The following PREX2 variants were observed in gnomAD, a reference collection of about 807,000 sequenced individuals.
The protein encoded by PREX2 is phosphatidylinositol-3,4,5-trisphosphate dependent Rac exchange factor 2.
Under a neutral mutation model 203.2 loss-of-function variants are expected in PREX2, and 107 were observed. The observed-to-expected ratio is 0.53, with a 90% CI of 0.45 to 0.62. PREX2 has a LOEUF of 0.62. Ranked by LOEUF, PREX2 falls within the 20% of genes least tolerant of loss-of-function variation. The pLI, the probability that PREX2 is intolerant of heterozygous loss-of-function variation, is 0.00. For synonymous variants in PREX2, 672 were observed against 663.6 expected, an observed-to-expected ratio of 1.01 and a Z score of -0.19; for missense variants, 1,777 against 1,955.9, an observed-to-expected ratio of 0.91 and a Z score of 1.72.
At chr8:68,197,500 C>A (rs2129614818) in intron 37 of PREX2, among the ~76,000 whole-genome samples, 2 of 152,086 alleles carry the variant, frequency 1.3e-5, no homozygotes, top group South Asian at 4.1e-4. Context: ...GTCAATTAAA[C>A]CTCTGTCTTT....
chr8:68,047,526 T>C (rs1291784439), intron 8 of PREX2, among the ~76,000 whole-genome samples: 1 of 145,286 alleles, frequency 6.9e-6, no homozygotes, highest in Non-Finnish European at 1.5e-5. Context: ...TATATATATA[T>C]GTATTTTTTT....
chr8:68,051,067 T>A (rs900521867), intron 8 of PREX2, among the ~76,000 whole-genome samples: 1 of 152,014 alleles, frequency 6.6e-6, no homozygotes, highest in Non-Finnish European at 1.5e-5. Context: ...GTGGCCTGTT[T>A]GAGGGAGGGC....
chr8:68,005,119 C>T (rs948457438), intron 1 of PREX2, among the ~76,000 whole-genome samples: 2 of 152,052 alleles, frequency 1.3e-5, no homozygotes, highest in Non-Finnish European at 2.9e-5. Flanking sequence ...TTCCTTCAAC[C>T]CTGTCCTCCC....
intron 18 of PREX2, among the ~76,000 whole-genome samples, chr8:68,084,558 C>G (rs190507734): frequency 1.2e-3 from 177 of 152,140 alleles, no homozygotes; most frequent in African/African-American, 4.1e-3. Flanking sequence ...CAAGGCAGTG[C>G]GAATTCATTA....
intron 35 of PREX2, among the ~76,000 whole-genome samples, chr8:68,169,341 T>A (rs1368460686): frequency 6.6e-6 from 1 of 151,424 alleles, no homozygotes; most frequent in Non-Finnish European, 1.5e-5. Context: ...AGAGTGAGGG[T>A]CAGAATGCTG....
intron 33 of PREX2, among the ~76,000 whole-genome samples, chr8:68,143,355 C>T (rs1811263656): frequency 6.6e-6 from 1 of 152,034 alleles, no homozygotes; most frequent in Admixed American, 6.6e-5. Context: ...CTTGCTCTTG[C>T]CATATGATGT....
intron 1 of PREX2, among the ~76,000 whole-genome samples, chr8:68,003,494 G>T (rs1486964723): frequency 6.6e-6 from 1 of 152,108 alleles, no homozygotes; most frequent in Non-Finnish European, 1.5e-5. Context: ...GTAACACCTG[G>T]AACTTGTTAA....
rs200083700 is a variant in PREX2 at position 68,192,488 on chromosome 8, G to T, written c.4567G>T (p.Ala1523Ser). The T allele has an allele frequency of 3.2e-6, 5 of 1,571,702 alleles. No individual in the cohort carries two copies. In the Admixed American group the frequency reaches 7.3e-5, roughly 23 times the overall value. The change falls in exon 37 of 40, where the codon GCC becomes TCC. Residue 1523 changes from alanine to serine, a missense_variant. Transcript: ENST00000288368. ...CTCGGAGCTGTGCAACAGGCTGGGC[G>T]CCTGCCACATCATCATGTGCAGCAG... ...VSSELCNRLGACHIIMCSSGV... is the reference protein window; with the variant it reads ...VSSELCNRLGSCHIIMCSSGV...
At chr8:68,117,841 C>T (rs1043590185) in intron 26 of PREX2, among the ~76,000 whole-genome samples, 1 of 152,050 alleles carries the variant, frequency 6.6e-6, no homozygotes, top group Admixed American at 6.6e-5. Flanking sequence ...AGAGTGTAAC[C>T]AATAAGTTAT....
intron 4 of PREX2, among the ~76,000 whole-genome samples, chr8:68,022,850 T>C (rs1367089823): frequency 2.0e-5 from 3 of 152,212 alleles, no homozygotes; most frequent in Admixed American, 6.5e-5. Flanking sequence ...TAGATTGCCT[T>C]TTCTGGATAT....
At chr8:68,055,699 A>G in intron 9 of PREX2, 131 bp from the exon 10 acceptor site, 1 of 815,358 alleles carries the variant, frequency 1.2e-6, no homozygotes. Context: ...GGGCACTATT[A>G]TACAGAGATC....
At chr8:68,023,927 ACTT>A (rs1258996344) in intron 4 of PREX2, among the ~76,000 whole-genome samples, 5 of 151,992 alleles carry the variant, frequency 3.3e-5, no homozygotes. Flanking sequence ...AGATGATTTT[ACTT>A]CTTCTTTTCC....
intron 23 of PREX2, chr8:68,102,763 A>G (rs531485129): frequency 1.0e-5 from 5 of 498,866 alleles, no homozygotes; most frequent in South Asian, 1.5e-5. Context: ...GTTGATTGCT[A>G]TAGTTTCTGT....
intron 23 of PREX2, chr8:68,105,002 G>A (rs145785327): frequency 1.7e-6 from 1 of 574,554 alleles, no homozygotes; most frequent in Non-Finnish European, 2.8e-6. Flanking sequence ...CTCCAAAGCA[G>A]ATTAATGAGT....
At chr8:67,956,532 A>G (rs1805497216) in intron 1 of PREX2, among the ~76,000 whole-genome samples, 1 of 152,252 alleles carries the variant, frequency 6.6e-6, no homozygotes, top group African/African-American at 2.4e-5. Flanking sequence ...TTTATATTTC[A>G]GTACCTTTAA....
intron 34 of PREX2, among the ~76,000 whole-genome samples, chr8:68,152,623 C>G (rs1373115455): frequency 6.6e-6 from 1 of 152,102 alleles, no homozygotes; most frequent in Non-Finnish European, 1.5e-5. Context: ...CACAGGCAGA[C>G]ATAAAAGAGA....
At chr8:68,004,128 A>C (rs980805128) in intron 1 of PREX2, among the ~76,000 whole-genome samples, 8 of 152,240 alleles carry the variant, frequency 5.3e-5, no homozygotes, top group Middle Eastern at 3.4e-3. Flanking sequence ...GCAGTGAGAG[A>C]GCTGGAGCTG....
intron 13 of PREX2, among the ~76,000 whole-genome samples, chr8:68,071,395 C>T (rs183365304): frequency 2.6e-5 from 4 of 152,122 alleles, no homozygotes; most frequent in Admixed American, 6.5e-5. Context: ...TTTCTTCTTA[C>T]GATGCTTATG....
At chr8:68,041,591 A>G (rs1317010719) in intron 7 of PREX2, among the ~76,000 whole-genome samples, 1 of 152,114 alleles carries the variant, frequency 6.6e-6, no homozygotes, top group African/African-American at 2.4e-5. Context: ...CCTTTTTACC[A>G]CATGTGAAAA....
Sources: allele counts gnomAD v4.1 joint callset (sites outside exome capture counted in the v4.1 genomes callset), GRCh38; gene constraint gnomAD v4.1.1; transcripts MANE v1.5; gene names NCBI Gene and HGNC (gene_info 2026-07-23, HGNC 2026-07-21).